LRRC4C: variants seen among roughly 807,000 people sequenced by gnomAD.
LRRC4C encodes leucine rich repeat containing 4C, also known as leucine-rich repeat-containing protein 4C.
Under a neutral mutation model 33.6 loss-of-function variants are expected in LRRC4C, and 5 were observed. The ratio of observed to expected loss-of-function variants is 0.15; its 90% CI spans 0.08 to 0.31. The LOEUF (loss-of-function observed/expected upper bound fraction) is 0.31, where lower values mean the gene tolerates loss of function less well. LRRC4C is among the 10% of genes least tolerant of loss of function. LRRC4C has a pLI of 1.00. For synonymous variants in LRRC4C, 329 were observed against 302.0 expected (o/e 1.09, Z -0.93); for missense variants, 560 against 796.7 (o/e 0.70, Z 3.58).
At chr11:40,812,877 G>T (rs1034780545) in intron 2 of LRRC4C, among the ~76,000 whole-genome samples, 1 of 152,046 alleles carries the variant, frequency 6.6e-6, no homozygotes, top group Non-Finnish European at 1.5e-5. Flanking sequence ...AGAGAAGTGA[G>T]CAAGTGAATC....
chr11:41,238,852 C>T (rs1389439784), intron 1 of LRRC4C, among the ~76,000 whole-genome samples: 2 of 152,050 alleles, frequency 1.3e-5, no homozygotes, highest in Admixed American at 6.6e-5. Flanking sequence ...CAAGTCATTT[C>T]CTTACTTATA....
intron 1 of LRRC4C, among the ~76,000 whole-genome samples, chr11:41,252,654 C>T (rs12280292): frequency 0.13 from 19,977 of 152,086 alleles, 1,451 homozygotes; most frequent in Middle Eastern, 0.25. Context: ...TTAATAAGTG[C>T]CTTAGTCTGC....
chr11:41,441,614 T>TA (rs5791441), intron 1 of LRRC4C, among the ~76,000 whole-genome samples: 127,703 of 139,958 alleles, frequency 0.91, 58,896 homozygotes, highest in East Asian at 0.99. Flanking sequence ...TTTTTCCAGT[T>TA]AAAAAAAAAA....
chr11:40,261,062 T>C (rs1484206975), intron 4 of LRRC4C, among the ~76,000 whole-genome samples: 1 of 151,928 alleles, frequency 6.6e-6, no homozygotes, highest in Non-Finnish European at 1.5e-5. Flanking sequence ...TAAACTTTTG[T>C]TGTAGAGTAG....
At chr11:40,749,377 C>G (rs1288495656) in intron 2 of LRRC4C, among the ~76,000 whole-genome samples, 1 of 139,604 alleles carries the variant, frequency 7.2e-6, no homozygotes, top group Non-Finnish European at 1.5e-5. Flanking sequence ...ACCACTGGGT[C>G]AACAAAGAGG....
intron 1 of LRRC4C, among the ~76,000 whole-genome samples, chr11:41,102,891 T>C (rs1171302693): frequency 2.6e-5 from 4 of 151,952 alleles, no homozygotes; most frequent in Non-Finnish European, 4.4e-5. Flanking sequence ...ATAATACTTT[T>C]TTAAGTATGT....
chr11:40,154,918 C>G (rs975678208), intron 5 of LRRC4C, among the ~76,000 whole-genome samples: 14 of 152,066 alleles, frequency 9.2e-5, no homozygotes, highest in African/African-American at 3.4e-4. Context: ...TTTAACAGCA[C>G]GTGGATCTTT....
intron 1 of LRRC4C, among the ~76,000 whole-genome samples, chr11:41,440,500 A>G (rs962854781): frequency 6.6e-6 from 1 of 152,196 alleles, no homozygotes; most frequent in African/African-American, 2.4e-5. Context: ...TAAAAAAAGC[A>G]CAAATCAAAT....
intron 1 of LRRC4C, among the ~76,000 whole-genome samples, chr11:41,193,815 T>C (rs77754434): frequency 6.6e-6 from 1 of 151,974 alleles, no homozygotes; most frequent in South Asian, 2.1e-4. Flanking sequence ...CCTTTTTTTT[T>C]AACCATATGG....
intron 2 of LRRC4C, among the ~76,000 whole-genome samples, chr11:40,886,549 T>A (rs1218545893): frequency 6.6e-6 from 1 of 151,568 alleles, no homozygotes; most frequent in Non-Finnish European, 1.5e-5. Flanking sequence ...GGGAGTTCTC[T>A]CTTTTTTTTT....
intron 1 of LRRC4C, among the ~76,000 whole-genome samples, chr11:41,250,191 C>A (rs1435925503): frequency 3.3e-5 from 5 of 151,780 alleles, no homozygotes. Context: ...AAACAAACAA[C>A]AAAAAAATAG....
intron 1 of LRRC4C, among the ~76,000 whole-genome samples, chr11:40,964,605 G>A (rs958780708): frequency 1.4e-5 from 2 of 144,826 alleles, no homozygotes; most frequent in East Asian, 2.1e-4. Flanking sequence ...CCACTTATGA[G>A]TGAGAATATG....
chr11:41,453,219 G>C (rs915706159), intron 1 of LRRC4C, among the ~76,000 whole-genome samples: 3 of 152,118 alleles, frequency 2.0e-5, no homozygotes, highest in Non-Finnish European at 2.9e-5. Context: ...TGTAACTGCA[G>C]TACAATCATG....
intron 2 of LRRC4C, among the ~76,000 whole-genome samples, chr11:40,739,789 T>C (rs1948073823): frequency 6.6e-6 from 1 of 152,066 alleles, no homozygotes; most frequent in African/African-American, 2.4e-5. Context: ...ATTGTAAGTT[T>C]CCTGAGGTCT....
intron 2 of LRRC4C, among the ~76,000 whole-genome samples, chr11:40,716,532 A>G (rs940117665): frequency 8.5e-5 from 13 of 152,120 alleles, no homozygotes; most frequent in Admixed American, 7.9e-4. Flanking sequence ...AATATTTGCT[A>G]TGTGCTGAAG....
intron 2 of LRRC4C, among the ~76,000 whole-genome samples, chr11:40,884,917 G>A (rs1955370482): frequency 6.6e-6 from 1 of 151,998 alleles, no homozygotes; most frequent in Non-Finnish European, 1.5e-5. Context: ...ATTTACAAGT[G>A]GGAGCTAAAC....
At chr11:40,341,385 C>T (rs112976594) in intron 3 of LRRC4C, among the ~76,000 whole-genome samples, 3,681 of 152,144 alleles carry the variant, frequency 0.024, 135 homozygotes, top group African/African-American at 0.084. Context: ...AATAAACATA[C>T]GTGTGCATGT....
intron 5 of LRRC4C, among the ~76,000 whole-genome samples, chr11:40,169,620 T>C (rs1255828091): frequency 6.6e-6 from 1 of 152,200 alleles, no homozygotes; most frequent in Non-Finnish European, 1.5e-5. Flanking sequence ...CAAAATGCTA[T>C]GTTTATTGTT....
chr11:40,394,015 T>G (rs181694129), intron 3 of LRRC4C, among the ~76,000 whole-genome samples: 1 of 151,916 alleles, frequency 6.6e-6, no homozygotes, highest in Non-Finnish European at 1.5e-5. Flanking sequence ...GGCAAGACCA[T>G]GAAGAGTAAG....
Sources: allele counts gnomAD v4.1 joint callset (sites outside exome capture counted in the v4.1 genomes callset), GRCh38; gene constraint gnomAD v4.1.1; transcripts MANE v1.5; gene names NCBI Gene and HGNC (gene_info 2026-07-23, HGNC 2026-07-21).